Variants in GLI3 observed in about 807,000 individuals in gnomAD.
GLI3 encodes transcription activator GLI3.
A neutral mutation model predicts 100.8 loss-of-function variants in GLI3; 20 were observed. That is an observed-to-expected ratio of 0.20 (90% CI 0.14 to 0.29). The LOEUF is 0.29. GLI3 is among the 10% of genes least tolerant of loss of function. GLI3 has a pLI of 1.00. For missense variants in GLI3, 2,040 were observed against 2,128.5 expected, an observed-to-expected ratio of 0.96 and a Z score of 0.82; for synonymous variants, 938 against 860.5, an observed-to-expected ratio of 1.09 and a Z score of -1.58.
At chr7:42,177,800 G>A (rs1173882259) in intron 2 of GLI3, among the ~76,000 whole-genome samples, 1 of 152,224 alleles carries the variant, frequency 6.6e-6, no homozygotes, top group Non-Finnish European at 1.5e-5. Context: ...AGTGCACCCT[G>A]TCTCCTCGAC....
Position 41,972,248 on chromosome 7 carries a change from A to G in GLI3, c.2103+89T>C. On this transcript the variant is annotated intron_variant, in intron 13 of 14. Coordinates refer to ENST00000395925, the MANE Select transcript of GLI3 (RefSeq NM_000168.6). The surrounding 1 kb of genome is among the most constrained non-coding windows in gnomAD (Gnocchi z 4.4). ...AGATCAGAGACAGCCTGACACAGTG[A>G]GGACCGGGAAGTCCTGTCCCTCTAT... 1 of 1,183,410 alleles carries G rather than the reference A, an allele frequency of 8.5e-7. No individual in the cohort carries two copies. Among genetic ancestry groups the G allele is most frequent in the Non-Finnish European group, 1.3e-6 (1 of 789,682 alleles). 73.3% of individuals were successfully genotyped at this position (1,183,410 alleles called of 1,614,324 possible).
chr7:41,983,779 T>C (rs562138956), intron 10 of GLI3, among the ~76,000 whole-genome samples: 196 of 152,186 alleles, frequency 1.3e-3, no homozygotes, highest in Admixed American at 3.6e-3. Flanking sequence ...ACCAGGAAAT[T>C]TCCCCAGAAA....
In GLI3 at chr7:42,223,054, C is replaced by T. The variant is rs80216468; in HGVS notation, c.124+76G>A. 1.2e-3 allele frequency: 1,932 copies of T among 1,553,622 alleles called. 1 individual carries two copies. The highest frequency in any genetic ancestry group is 1.6e-3 in the Non-Finnish European group (1,799 of 1,132,366). On this transcript the variant is annotated intron_variant, in intron 2 of 14. Coordinates refer to ENST00000395925, the MANE Select transcript of GLI3 (RefSeq NM_000168.6). ...GAACAAACACTGGTCCAGGTGCAAA[C>T]GCTCAATTCACAAGGAATGCAGAGA... is the stretch of plus-strand genomic sequence containing the variant.
intron 3 of GLI3, among the ~76,000 whole-genome samples, chr7:42,128,826 C>A (rs958562625): frequency 6.6e-6 from 1 of 152,094 alleles, no homozygotes; most frequent in Non-Finnish European, 1.5e-5. Flanking sequence ...CCTGTTATCA[C>A]CCTGTGCGGC....
chr7:41,984,305 A>C lies in GLI3; in HGVS notation c.1498-5557T>G, dbSNP rs527675911. On this transcript the variant is annotated intron_variant, in intron 10 of 14. Coordinates refer to ENST00000395925, the MANE Select transcript of GLI3 (RefSeq NM_000168.6). Reference sequence around the variant, plus strand: ...CCTTGGTCTGTTCCTAACCCTCCAGATGAAAGGACACATGCAGTCCATGGC... The same window carrying C: ...CCTTGGTCTGTTCCTAACCCTCCAGCTGAAAGGACACATGCAGTCCATGGC... 4.6e-5 allele frequency among the ~76,000 whole-genome samples: 7 copies of C among 152,308 alleles called. No homozygotes were observed. The South Asian group carries it at 1.0e-3, about 23-fold the overall frequency.
intron 2 of GLI3, among the ~76,000 whole-genome samples, chr7:42,176,581 G>T (rs1390359440): frequency 2.0e-5 from 3 of 152,238 alleles, no homozygotes; most frequent in African/African-American, 7.2e-5. Flanking sequence ...AACTCTGCCA[G>T]AACAATCTGC....
chr7:42,119,405 C>T (rs1358356883), intron 3 of GLI3, among the ~76,000 whole-genome samples: 1 of 152,112 alleles, frequency 6.6e-6, no homozygotes, highest in Non-Finnish European at 1.5e-5. Flanking sequence ...GATTGTTCTG[C>T]TACACTAAGA....
At chr7:42,238,610 A>C (rs1354655124), upstream of GLI3, among the ~76,000 whole-genome samples, 3 of 152,206 alleles carry the variant, frequency 2.0e-5, no homozygotes, top group African/African-American at 7.2e-5. Context: ...CTTTTCCTTG[A>C]GCTACAAAGT....
Position 42,020,021 on chromosome 7 carries a change from A to G in GLI3, c.1497+3447T>C, listed in dbSNP as rs372350534. The stretch of plus-strand genomic sequence containing the variant: ...ACTGCTGGAAAGAGAAATTAATTAA[A>G]CATCCCTGTGATAAAGACCCAGCAG... On this transcript the variant is annotated intron_variant, in intron 10 of 14. Coordinates refer to ENST00000395925, the MANE Select transcript of GLI3 (RefSeq NM_000168.6). Among the ~76,000 whole-genome samples, 67 of 152,350 alleles carry G rather than the reference A, an allele frequency of 4.4e-4. 1 individual carries two copies. Among genetic ancestry groups the G allele is most frequent in the East Asian group, 1.7e-3 (9 of 5,192 alleles).
chr7:42,143,975 A>G (rs1364648269), intron 3 of GLI3, among the ~76,000 whole-genome samples: 1 of 152,186 alleles, frequency 6.6e-6, no homozygotes, highest in Non-Finnish European at 1.5e-5. Flanking sequence ...AATCCGAGAA[A>G]CTTTGCACAA....
At chr7:42,170,814 T>C (rs1403202810) in intron 2 of GLI3, among the ~76,000 whole-genome samples, 1 of 152,168 alleles carries the variant, frequency 6.6e-6, no homozygotes, top group Non-Finnish European at 1.5e-5. Context: ...TGCTTGAGAA[T>C]TATTTTTTTC....
rs552165197 is a variant in GLI3, at chr7:41,978,469, CAG to C, written c.1647+128_1647+129del. ...ACTCAAACACCGAGGCATTTATCAC[CAG>C]ACAATACTCTAGTCCTCTTCTCTTG... On this transcript the variant is annotated intron_variant, in intron 11 of 14. Transcript: ENST00000395925. 1.2e-3 allele frequency: 1,047 copies of C among 879,222 alleles called. 25 individuals carry two copies. The South Asian group carries it at 0.014, about 12-fold the overall frequency. The allele number at this position is 879,222 out of a possible 1,614,324, so 54.5% of individuals were successfully genotyped here. A position where few individuals can be genotyped will look rare whatever the true frequency, so the allele number is the denominator to read the frequency against.
intron 10 of GLI3, among the ~76,000 whole-genome samples, chr7:41,981,462 G>A (rs1787666223): frequency 6.6e-6 from 1 of 152,232 alleles, no homozygotes; most frequent in Non-Finnish European, 1.5e-5. Context: ...CTACTCAAGG[G>A]AGCAGGGGTG....
At chr7:42,042,393 T>A (rs1005858117) in intron 6 of GLI3, among the ~76,000 whole-genome samples, 3 of 152,138 alleles carry the variant, frequency 2.0e-5, no homozygotes, top group Non-Finnish European at 4.4e-5. Flanking sequence ...TCCTTCACAT[T>A]TACTCACCAT....
chr7:42,242,660 C>T (rs549685151), upstream of GLI3, among the ~76,000 whole-genome samples: 1 of 152,238 alleles, frequency 6.6e-6, no homozygotes, highest in South Asian at 2.1e-4. Flanking sequence ...TTCCAGTATG[C>T]AGAAAAACAA....
chr7:42,071,988 A>G lies in GLI3; in HGVS notation c.473+4764T>C, dbSNP rs183536080. On this transcript the variant is annotated intron_variant, in intron 4 of 14. Transcript: ENST00000395925. ...GACACATTGACTCAACAAAGAAAAA[A>G]AAAGGGCTGACGTACAGAACAGAAC... 4.3e-4 allele frequency among the ~76,000 whole-genome samples: 66 copies of G among 152,332 alleles called. No homozygotes were observed. In the East Asian group the frequency reaches 0.012, roughly 27 times the overall value.
chr7:42,185,845 C>T lies in GLI3; in HGVS notation c.124+37285G>A, dbSNP rs139668075. 7.4e-4 allele frequency among the ~76,000 whole-genome samples: 112 copies of T among 152,336 alleles called. 1 individual carries two copies. The highest frequency in any genetic ancestry group is 2.6e-3 in the African/African-American group (107 of 41,582). ...GGTTGACCATTTATACAAACACCAGCCTCTCAGAGCTTAGAGCCTCAGCCT... is the reference window on the plus strand; with the variant it reads ...GGTTGACCATTTATACAAACACCAGTCTCTCAGAGCTTAGAGCCTCAGCCT... On this transcript the variant is annotated intron_variant, in intron 2 of 14. Transcript: ENST00000395925.
intron 10 of GLI3, among the ~76,000 whole-genome samples, chr7:41,979,718 T>G (rs190017442): frequency 2.6e-3 from 389 of 152,352 alleles, no homozygotes; most frequent in Non-Finnish European, 4.2e-3. Flanking sequence ...CTTTATTTTC[T>G]GGTGATTCTA....
At chr7:42,117,668 G>C (rs1229491901) in intron 3 of GLI3, among the ~76,000 whole-genome samples, 1 of 152,164 alleles carries the variant, frequency 6.6e-6, no homozygotes, top group Non-Finnish European at 1.5e-5. Flanking sequence ...TTTGCTGGGG[G>C]AATGGAACAA....
Sources: allele counts gnomAD v4.1 joint callset (sites outside exome capture counted in the v4.1 genomes callset), GRCh38; gene constraint gnomAD v4.1.1; non-coding constraint Gnocchi (gnomAD v3.1); transcripts MANE v1.5; gene names NCBI Gene and HGNC (gene_info 2026-07-23, HGNC 2026-07-21).